The following BCCIP variants were observed in gnomAD, a reference collection of about 807,000 sequenced individuals.
BCCIP encodes the protein BRCA2 and CDKN1A interacting protein.
Under a neutral mutation model 32.8 loss-of-function variants are expected in BCCIP, and 23 were observed. That is an observed-to-expected ratio of 0.70 (90% CI 0.51 to 0.99). The LOEUF is 0.99. BCCIP is among the 50% of genes least tolerant of loss of function. The pLI, the probability that BCCIP is intolerant of heterozygous loss-of-function variation, is 0.00. For synonymous variants in BCCIP, 144 were observed against 137.6 expected (o/e 1.05, Z -0.33); for missense variants, 378 against 379.8 (o/e 1.00, Z 0.04).
exon 7 of BCCIP, chr10:125,842,794 A>G (rs1854917380): frequency 2.1e-6 from 2 of 950,660 alleles, no homozygotes; most frequent in African/African-American, 3.5e-5. Context: ...AAAGAAATAA[A>G]GATAGCAAGC....
chr10:125,825,559 A>C (rs997045265), intron 1 of BCCIP: 17 of 152,316 alleles, frequency 1.1e-4, no homozygotes, highest in African/African-American at 4.1e-4. Flanking sequence ...TTGGAGCTGG[A>C]ATTGCTCTAA....
chr10:125,840,738 G>A (rs1854853991), downstream of BCCIP: 1 of 1,253,206 alleles, frequency 8.0e-7, no homozygotes. Flanking sequence ...TTGCATTCAA[G>A]TGGCCAGTAG....
intron 7 of BCCIP, among the ~76,000 whole-genome samples, chr10:125,848,720 C>G (rs2134038714): frequency 6.6e-6 from 1 of 152,268 alleles, no homozygotes. Flanking sequence ...TTTCTAGGAC[C>G]CTCTGCAGCT....
At chr10:125,845,433 G>A (rs1247351698), downstream of BCCIP, among the ~76,000 whole-genome samples, 1 of 152,192 alleles carries the variant, frequency 6.6e-6, no homozygotes, top group African/African-American at 2.4e-5. Context: ...TTTCCTACAG[G>A]TAAAAGTTTT....
downstream of BCCIP, chr10:125,839,066 C>T (rs1854789469): frequency 6.2e-7 from 1 of 1,614,194 alleles, no homozygotes. Flanking sequence ...GAGCCAAAAG[C>T]AGGTTCTGCA....
chr10:125,831,713 G>C, intron 5 of BCCIP, 106 bp downstream of exon 5: 1 of 1,089,122 alleles, frequency 9.2e-7, no homozygotes, highest in Non-Finnish European at 1.3e-6. Flanking sequence ...TTCTGTCCTT[G>C]GTTTAAGTGG....
intron 7 of BCCIP, chr10:125,852,357 C>G: frequency 6.2e-7 from 1 of 1,614,168 alleles, no homozygotes; most frequent in Non-Finnish European, 8.5e-7. Context: ...TAAAAAGCAC[C>G]ATGCTTGTTA....
chr10:125,851,920 C>CAAAAAAAAAAA (rs56380138), intron 7 of BCCIP, among the ~76,000 whole-genome samples: 7 of 86,766 alleles, frequency 8.1e-5, no homozygotes, highest in Non-Finnish European at 1.1e-4. Context: ...GACCCTGTCT[C>CAAAAAAAAAAA]AAAAAAAAAA....
chr10:125,839,455 T>C (rs766514658), downstream of BCCIP, among the ~76,000 whole-genome samples: 11 of 151,894 alleles, frequency 7.2e-5, no homozygotes, highest in Non-Finnish European at 1.6e-4. Flanking sequence ...CTGTGGAAAC[T>C]GTTCCTAGTG....
At chr10:125,848,660 C>T (rs879280399) in intron 7 of BCCIP, among the ~76,000 whole-genome samples, 1 of 152,144 alleles carries the variant, frequency 6.6e-6, no homozygotes, top group East Asian at 1.9e-4. Flanking sequence ...GGTGATGTCT[C>T]CTAATAACTG....
rs114533242 is a variant in BCCIP, at chr10:125,828,719, G to A, written c.321+1081G>A. On this transcript the variant is annotated intron_variant, in intron 3 of 6. Transcript: ENST00000278100. Reference sequence around the variant, plus strand: ...ACAAACCACCCCATAGCTTAGTGTCGTAAAATAGCAGTAGTCATTTATTTG... The same window carrying A: ...ACAAACCACCCCATAGCTTAGTGTCATAAAATAGCAGTAGTCATTTATTTG... 6.0e-3 allele frequency among the ~76,000 whole-genome samples: 920 copies of A among 152,280 alleles called. 11 individuals carry two copies. Among genetic ancestry groups the A allele is most frequent in the African/African-American group, 0.021 (872 of 41,552 alleles).
intron 3 of BCCIP, 40 bp from the exon 4 acceptor site, chr10:125,830,522 T>C (rs1212573693): frequency 7.5e-7 from 1 of 1,329,486 alleles, no homozygotes; most frequent in Non-Finnish European, 1.1e-6. Flanking sequence ...CTTGGTATTA[T>C]ACTAAATATA....
downstream of BCCIP, chr10:125,840,989 A>G: frequency 5.0e-6 from 8 of 1,596,120 alleles, 1 homozygote; most frequent in South Asian, 7.8e-5. Context: ...GTGAAAAGCA[A>G]TTTGGAGCTT....
intron 7 of BCCIP, chr10:125,852,525 T>G (rs1210081529): frequency 6.2e-7 from 1 of 1,613,224 alleles, no homozygotes; most frequent in Admixed American, 1.7e-5. Flanking sequence ...CATTTAGTAT[T>G]TGTGTCCACA....
At chr10:125,835,653 T>A (rs1444966423) in intron 6 of BCCIP, among the ~76,000 whole-genome samples, 1 of 146,206 alleles carries the variant, frequency 6.8e-6, no homozygotes, top group Non-Finnish European at 1.5e-5. Flanking sequence ...TTGGGGGGAG[T>A]GTGTATGGGT....
At chr10:125,826,425 G>A in intron 1 of BCCIP, 166 bp from the exon 2 acceptor site, 1 of 1,037,224 alleles carries the variant, frequency 9.6e-7, no homozygotes, top group East Asian at 2.9e-5. Flanking sequence ...ATTTAAACTA[G>A]GTTACTCTGA....
intron 6 of BCCIP, among the ~76,000 whole-genome samples, chr10:125,834,372 C>G (rs1854597100): frequency 6.6e-6 from 1 of 152,164 alleles, no homozygotes; most frequent in Admixed American, 6.5e-5. Context: ...TGGGGCACCC[C>G]TGCTGCTCTG....
Position 125,850,322 on chromosome 10 carries a change from C to T in BCCIP, c.851-2803C>T, listed in dbSNP as rs554000798. ...TCTTTTCACCAGAGCCATCCCTGGC[C>T]TCTGCAGCCTTTGACTTTCTTTTCT... On this transcript the variant is annotated intron_variant, in intron 7 of 7. Coordinates refer to the BCCIP transcript ENST00000368759. 1.1e-4 allele frequency among the ~76,000 whole-genome samples: 16 copies of T among 151,204 alleles called. No individual in the cohort carries two copies. The South Asian group carries it at 3.4e-3, about 32-fold the overall frequency.
chr10:125,823,761 G>C, intron 1 of BCCIP, 39 bp downstream of exon 1: 1 of 1,606,834 alleles, frequency 6.2e-7, no homozygotes, highest in Non-Finnish European at 8.5e-7. Flanking sequence ...TTATACCTGA[G>C]AAAAACTTTT....
Sources: gnomAD v4.1 joint callset for allele counts (sites outside exome capture counted in the v4.1 genomes callset) on GRCh38, gnomAD v4.1.1 for gene constraint, MANE v1.5 for transcripts, NCBI Gene and HGNC (gene_info 2026-07-23, HGNC 2026-07-21) for gene names.